Variants in DIP2C observed in about 807,000 individuals in gnomAD.
DIP2C encodes DIP2 acetate--CoA ligase C (putative).
Under a neutral mutation model 192.4 loss-of-function variants are expected in DIP2C, and 33 were observed. The observed-to-expected ratio is 0.17, with a 90% CI of 0.13 to 0.23. The LOEUF (loss-of-function observed/expected upper bound fraction) is 0.23, where lower values mean the gene tolerates loss of function less well. DIP2C is among the 10% of genes least tolerant of loss of function. DIP2C has a pLI of 1.00. For synonymous variants in DIP2C, 979 were observed against 864.1 expected (o/e 1.13, Z -2.33); for missense variants, 1,537 against 2,110.1 (o/e 0.73, Z 5.32).
intron 1 of DIP2C, among the ~76,000 whole-genome samples, chr10:646,831 G>A (rs1855478785): frequency 6.6e-6 from 1 of 152,232 alleles, no homozygotes; most frequent in Admixed American, 6.5e-5. Context: ...CACAGAGTGT[G>A]GAAGTGAAAA....
chr10:463,146 T>A (rs1165160556), intron 3 of DIP2C, among the ~76,000 whole-genome samples: 1 of 152,040 alleles, frequency 6.6e-6, no homozygotes, highest in African/African-American at 2.4e-5. Flanking sequence ...TTGGAAGTTC[T>A]AGCCACAATC....
At chr10:410,919 G>A (rs1041995280) in intron 8 of DIP2C, among the ~76,000 whole-genome samples, 8 of 152,254 alleles carry the variant, frequency 5.3e-5, no homozygotes, top group Admixed American at 4.6e-4. Context: ...TAAAGGAGAT[G>A]TGTGTGATGT....
At chr10:645,950 T>G (rs893757446) in intron 1 of DIP2C, among the ~76,000 whole-genome samples, 1 of 152,202 alleles carries the variant, frequency 6.6e-6, no homozygotes, top group African/African-American at 2.4e-5. Flanking sequence ...TTTTCTCCCC[T>G]AAAAAGAAGC....
intron 1 of DIP2C, among the ~76,000 whole-genome samples, chr10:491,060 A>T (rs1844406235): frequency 6.6e-6 from 1 of 151,556 alleles, no homozygotes; most frequent in South Asian, 2.1e-4. Flanking sequence ...AGATGACAGA[A>T]CAGACAGACA....
Position 422,919 on chromosome 10 carries a change from C to T in DIP2C, c.509G>A (p.Gly170Asp), listed in dbSNP as rs1258111132. Reference sequence around the variant, plus strand: ...CGAGGAGGTGGTGGACGTGGTGGAGCCGTGGATGGCCTGGCTGATCCAGTG... The same window carrying T: ...CGAGGAGGTGGTGGACGTGGTGGAGTCGTGGATGGCCTGGCTGATCCAGTG... ...MEHWISQAIHGSTTSTTSSSS... is the reference protein window; with the variant it reads ...MEHWISQAIHDSTTSTTSSSS... The change falls in exon 5 of 37, where the codon GGC (glycine) becomes GAC (aspartate). Residue 170 changes from glycine (G) to aspartate (D), a missense_variant. By Grantham distance (94) the Gly-to-Asp change is moderately conservative (BLOSUM62 -1). Around this residue, in one of 4 missense-constraint regions of DIP2C, gnomAD observed 473 missense variants for 539.6 expected, o/e 0.88. Coordinates refer to ENST00000280886, the MANE Select transcript of DIP2C (RefSeq NM_014974.3). 3.1e-6 allele frequency: 5 copies of T among 1,614,050 alleles called. No individual in the cohort carries two copies. Among genetic ancestry groups the T allele is most frequent in the Non-Finnish European group, 3.4e-6 (4 of 1,180,036 alleles).
At chr10:497,157 T>G (rs1474345867) in intron 1 of DIP2C, among the ~76,000 whole-genome samples, 1 of 152,092 alleles carries the variant, frequency 6.6e-6, no homozygotes, top group Non-Finnish European at 1.5e-5. Flanking sequence ...TCTACCTTAC[T>G]CACAATACCC....
At chr10:618,367 T>G (rs1019035497) in intron 1 of DIP2C, among the ~76,000 whole-genome samples, 3 of 152,220 alleles carry the variant, frequency 2.0e-5, no homozygotes, top group African/African-American at 7.2e-5. Flanking sequence ...ACCAAGCTCC[T>G]TCCCACTGAC....
chr10:470,361 C>A (rs902149254), intron 3 of DIP2C, among the ~76,000 whole-genome samples: 1 of 152,186 alleles, frequency 6.6e-6, no homozygotes, highest in Non-Finnish European at 1.5e-5. Context: ...GCAGAGCCTG[C>A]AGACTCTGAG....
intron 1 of DIP2C, among the ~76,000 whole-genome samples, chr10:670,362 A>G (rs565473768): frequency 7.2e-5 from 11 of 152,234 alleles, no homozygotes; most frequent in African/African-American, 1.2e-4. Flanking sequence ...ACATACACAT[A>G]CACACATGCA....
chr10:464,958 A>G (rs984580357), intron 3 of DIP2C, among the ~76,000 whole-genome samples: 4 of 151,302 alleles, frequency 2.6e-5, no homozygotes, highest in African/African-American at 7.3e-5. Context: ...TACCAGAGGT[A>G]CAAGGAGGAA....
chr10:523,113 G>A (rs1335326960), intron 1 of DIP2C, among the ~76,000 whole-genome samples: 1 of 151,904 alleles, frequency 6.6e-6, no homozygotes, highest in Non-Finnish European at 1.5e-5. Flanking sequence ...GAGGATGCAG[G>A]GACTCTGTGT....
chr10:316,206 T>A (rs1956766525), intron 31 of DIP2C, among the ~76,000 whole-genome samples: 1 of 152,194 alleles, frequency 6.6e-6, no homozygotes, highest in African/African-American at 2.4e-5. Context: ...TCTTTGCAGG[T>A]CTTTTAAATT....
At chr10:414,739 G>GTGTGTGTGTGTA in intron 7 of DIP2C, among the ~76,000 whole-genome samples, 7 of 90,538 alleles carry the variant, frequency 7.7e-5, no homozygotes, top group Non-Finnish European at 1.1e-4. Context: ...GTGTGTGTGT[G>GTGTGTGTGTGTA]TACATATATA....
intron 1 of DIP2C, among the ~76,000 whole-genome samples, chr10:594,816 T>A (rs1368572653): frequency 6.6e-6 from 1 of 152,190 alleles, no homozygotes; most frequent in East Asian, 1.9e-4. Context: ...CGGGTTCAGA[T>A]CATGTCGAAT....
intron 1 of DIP2C, among the ~76,000 whole-genome samples, chr10:629,367 G>A (rs1854379854): frequency 6.6e-6 from 1 of 152,160 alleles, no homozygotes; most frequent in Admixed American, 6.5e-5. Flanking sequence ...TGGTCCTGAG[G>A]CAGGGATCGG....
intron 1 of DIP2C, among the ~76,000 whole-genome samples, chr10:523,181 T>G (rs1256800535): frequency 6.9e-6 from 1 of 145,224 alleles, no homozygotes. Context: ...ATGCAGGGAC[T>G]CTGACCCACA....
intron 1 of DIP2C, among the ~76,000 whole-genome samples, chr10:627,231 T>C (rs1854256863): frequency 6.6e-6 from 1 of 152,144 alleles, no homozygotes; most frequent in Non-Finnish European, 1.5e-5. Flanking sequence ...CTGCTTTCCC[T>C]CCAGGCGTCA....
chr10:300,547 G>C (rs368533723), intron 32 of DIP2C, among the ~76,000 whole-genome samples: 2 of 152,152 alleles, frequency 1.3e-5, no homozygotes, highest in African/African-American at 4.8e-5. Flanking sequence ...GGAGAAACCA[G>C]AACCAGGAGC....
chr10:668,542 CA>C (rs1175439416), intron 1 of DIP2C: 1 of 152,128 alleles, frequency 6.6e-6, no homozygotes, highest in Non-Finnish European at 1.5e-5. Flanking sequence ...AATACATGTA[CA>C]ACACACTCAT....
Sources: gnomAD v4.1 joint callset for allele counts (sites outside exome capture counted in the v4.1 genomes callset) on GRCh38, gnomAD v4.1.1 for gene constraint, gnomAD v4.1.1 regional missense constraint, MANE v1.5 for transcripts, NCBI Gene and HGNC (gene_info 2026-07-23, HGNC 2026-07-21) for gene names.